SHISA9: variants seen among roughly 807,000 people sequenced by gnomAD.
SHISA9 encodes protein shisa-9.
Under a neutral mutation model 38.0 loss-of-function variants are expected in SHISA9, and 13 were observed. The ratio of observed to expected loss-of-function variants is 0.34; its 90% confidence interval spans 0.22 to 0.54. The LOEUF is 0.54. Among genes scored for constraint, SHISA9 ranks in the 20% least tolerant of loss-of-function variants. SHISA9 has a pLI of 0.91. For synonymous variants in SHISA9, 275 were observed against 242.0 expected, an observed-to-expected ratio of 1.14 and a Z score of -1.27; for missense variants, 538 against 575.8, an observed-to-expected ratio of 0.93 and a Z score of 0.67.
chr16:13,431,328 G>T, the SHISA9 span, among the ~76,000 whole-genome samples: 2 of 152,030 alleles, frequency 1.3e-5, no homozygotes, highest in African/African-American at 4.8e-5. Context: ...CAGATGGGTC[G>T]AATAGGGAAA....
the SHISA9 span, among the ~76,000 whole-genome samples, chr16:13,484,137 T>C: frequency 6.6e-6 from 1 of 152,112 alleles, no homozygotes; most frequent in Non-Finnish European, 1.5e-5. Flanking sequence ...GACACCCAGC[T>C]GGTATTCCCT....
chr16:13,100,692 G>C (rs2073869998), intron 2 of SHISA9, among the ~76,000 whole-genome samples: 1 of 152,140 alleles, frequency 6.6e-6, no homozygotes, highest in African/African-American at 2.4e-5. Flanking sequence ...ACTACTCTCT[G>C]CTTCTACGAG....
At chr16:12,905,237 C>T (rs1425152812) in intron 1 of SHISA9, among the ~76,000 whole-genome samples, 1 of 152,170 alleles carries the variant, frequency 6.6e-6, no homozygotes, top group African/African-American at 2.4e-5. Context: ...AATCATGGCT[C>T]AGGTGAGGTG....
chr16:13,537,130 GA>G, the SHISA9 span, among the ~76,000 whole-genome samples: 75 of 151,622 alleles, frequency 4.9e-4, no homozygotes, highest in African/African-American at 1.7e-3. Context: ...ATTTATACTA[GA>G]AAAAAAAATT....
intron 2 of SHISA9, among the ~76,000 whole-genome samples, chr16:13,150,030 TAAAAAAA>T (rs35012437): frequency 1.5e-5 from 1 of 67,674 alleles, no homozygotes; most frequent in Admixed American, 2.2e-4. Flanking sequence ...TCCTCATCAT[TAAAAAAA>T]AAAAAAAAAA....
At chr16:13,061,267 A>T (rs1313284872) in intron 2 of SHISA9, among the ~76,000 whole-genome samples, 1 of 152,220 alleles carries the variant, frequency 6.6e-6, no homozygotes. Flanking sequence ...AATACGCCTC[A>T]CACACGGCGT....
At chr16:12,995,916 C>T (rs916943015) in intron 2 of SHISA9, among the ~76,000 whole-genome samples, 1 of 152,038 alleles carries the variant, frequency 6.6e-6, no homozygotes, top group East Asian at 1.9e-4. Flanking sequence ...CATGGACATA[C>T]CCACGGCTCT....
chr16:13,301,078 TAAA>T, the SHISA9 span, among the ~76,000 whole-genome samples: 2 of 152,156 alleles, frequency 1.3e-5, no homozygotes, highest in Admixed American at 6.6e-5. Flanking sequence ...CACCCTTCCT[TAAA>T]AACTCTACAA....
At chr16:13,271,770 TG>T in the SHISA9 span, among the ~76,000 whole-genome samples, 6 of 151,580 alleles carry the variant, frequency 4.0e-5, no homozygotes, top group East Asian at 1.9e-4. Flanking sequence ...AGGGATCTTA[TG>T]GGGGGGGTGT....
the SHISA9 span, among the ~76,000 whole-genome samples, chr16:13,516,568 G>A: frequency 1.3e-5 from 2 of 152,226 alleles, no homozygotes; most frequent in African/African-American, 4.8e-5. Flanking sequence ...GGGAGGCTGA[G>A]GTGGGTGGAT....
At chr16:13,420,245 C>CAAAAAAAAAAAA in the SHISA9 span, among the ~76,000 whole-genome samples, 85 of 50,406 alleles carry the variant, frequency 1.7e-3, 11 homozygotes, top group East Asian at 0.01. Flanking sequence ...GAATCTGTTT[C>CAAAAAAAAAAAA]AAAAAAAAAA....
chr16:13,189,887 A>ATGGAAG (rs1300685873), intron 2 of SHISA9, among the ~76,000 whole-genome samples: 2 of 152,154 alleles, frequency 1.3e-5, no homozygotes, highest in African/African-American at 4.8e-5. Context: ...ACTGACAATG[A>ATGGAAG]TGGAAGACAA....
chr16:12,922,583 G>A (rs1430244429), intron 2 of SHISA9, among the ~76,000 whole-genome samples: 1 of 152,200 alleles, frequency 6.6e-6, no homozygotes, highest in South Asian at 2.1e-4. Flanking sequence ...GCAGGGGCAC[G>A]ATCTTGGCTC....
intron 2 of SHISA9, among the ~76,000 whole-genome samples, chr16:13,190,703 G>C (rs888021805): frequency 6.6e-6 from 1 of 152,130 alleles, no homozygotes; most frequent in Non-Finnish European, 1.5e-5. Context: ...CAGCACAACC[G>C]GGATTTTGAA....
the SHISA9 span, among the ~76,000 whole-genome samples, chr16:13,252,558 T>C: frequency 6.6e-6 from 1 of 152,188 alleles, no homozygotes; most frequent in African/African-American, 2.4e-5. Flanking sequence ...TGTTGGGTCT[T>C]TGATTATATT....
chr16:13,288,953 A>G, the SHISA9 span, among the ~76,000 whole-genome samples: 1 of 152,200 alleles, frequency 6.6e-6, no homozygotes, highest in Non-Finnish European at 1.5e-5. Flanking sequence ...AGGCTTCAAT[A>G]TATGAATGAG....
At chr16:12,998,944 C>G (rs1487515850) in intron 2 of SHISA9, among the ~76,000 whole-genome samples, 1 of 152,262 alleles carries the variant, frequency 6.6e-6, no homozygotes, top group Non-Finnish European at 1.5e-5. Context: ...AGAGGAAATA[C>G]AGGGTTGGGT....
At chr16:13,481,775 A>G in the SHISA9 span, among the ~76,000 whole-genome samples, 1 of 152,220 alleles carries the variant, frequency 6.6e-6, no homozygotes, top group Admixed American at 6.5e-5. Flanking sequence ...AGGATCTGCA[A>G]ATCTGCAAAG....
the SHISA9 span, among the ~76,000 whole-genome samples, chr16:13,414,925 G>A: frequency 6.6e-6 from 1 of 152,158 alleles, no homozygotes; most frequent in Non-Finnish European, 1.5e-5. Flanking sequence ...GAGCCACTGT[G>A]CCTGGCCAGG....
Sources: gnomAD v4.1 joint callset for allele counts (sites outside exome capture counted in the v4.1 genomes callset) on GRCh38, gnomAD v4.1.1 for gene constraint, MANE v1.5 for transcripts, NCBI Gene and HGNC (gene_info 2026-07-23, HGNC 2026-07-21) for gene names.